The following ERICH1 variants were observed in gnomAD, a reference collection of about 807,000 sequenced individuals.
ERICH1 encodes glutamate-rich protein 1.
In ERICH1, 56 loss-of-function variants were observed where a neutral mutation model predicts 39.6. The observed-to-expected ratio is 1.41, with a 90% CI of 1.14 to 1.77. The LOEUF (loss-of-function observed/expected upper bound fraction) is 1.77, where lower values mean the gene tolerates loss of function less well. Among genes scored for constraint, ERICH1 ranks in the 40% most tolerant of loss-of-function variants. ERICH1 has a pLI of 0.00. For missense variants in ERICH1, 826 were observed against 575.4 expected (o/e 1.44, Z -4.45); for synonymous variants, 313 against 223.6 (o/e 1.40, Z -3.57).
chr8:699,435 A>G (rs557999592), intron 2 of ERICH1, among the ~76,000 whole-genome samples: 9 of 152,248 alleles, frequency 5.9e-5, no homozygotes, highest in African/African-American at 2.2e-4. Flanking sequence ...AGCAACTTCA[A>G]GTGAAATCAG....
At chr8:649,813 G>C (rs1799717332) in intron 3 of ERICH1, among the ~76,000 whole-genome samples, 1 of 152,250 alleles carries the variant, frequency 6.6e-6, no homozygotes, top group South Asian at 2.1e-4. Flanking sequence ...CGGCGTATCA[G>C]AGCAGGTGAG....
At chr8:679,842 T>C (rs1487607212) in intron 3 of ERICH1, among the ~76,000 whole-genome samples, 1 of 150,398 alleles carries the variant, frequency 6.6e-6, no homozygotes, top group Non-Finnish European at 1.5e-5. Context: ...CTGCCACCCC[T>C]GTGAACACAG....
At chr8:704,616 AC>A (rs1286547064) in intron 2 of ERICH1, among the ~76,000 whole-genome samples, 3 of 152,226 alleles carry the variant, frequency 2.0e-5, no homozygotes, top group Non-Finnish European at 4.4e-5. Flanking sequence ...ATACTGATGT[AC>A]AAACATTTTG....
chr8:702,356 A>G (rs753568785), intron 2 of ERICH1, among the ~76,000 whole-genome samples: 4 of 152,182 alleles, frequency 2.6e-5, no homozygotes, highest in African/African-American at 4.8e-5. Flanking sequence ...TCAAGTGAGC[A>G]CACAGCGGCA....
At chr8:654,650 C>G (rs1335276517) in intron 3 of ERICH1, among the ~76,000 whole-genome samples, 5 of 152,178 alleles carry the variant, frequency 3.3e-5, no homozygotes, top group Non-Finnish European at 7.3e-5. Context: ...AAAGGAACCT[C>G]CCACTGTCTA....
chr8:719,302 T>C lies in ERICH1; in HGVS notation c.23-3295A>G, dbSNP rs1381783320. On this transcript the variant is annotated intron_variant, in intron 1 of 5. Transcript: ENST00000262109. ...GCCCCATCCACCCTCCATGCCTCAC[T>C]TTTCTCCCATTTTCCTTGTACTCCA... is the stretch of plus-strand genomic sequence containing the variant. Among the ~76,000 whole-genome samples the C allele has an allele frequency of 5.9e-5, 9 of 152,300 alleles. No homozygotes were observed. In the South Asian group the frequency reaches 1.7e-3, roughly 28 times the overall value.
intron 3 of ERICH1, among the ~76,000 whole-genome samples, chr8:622,530 G>A (rs1797348665): frequency 6.6e-6 from 1 of 152,184 alleles, no homozygotes; most frequent in Non-Finnish European, 1.5e-5. Flanking sequence ...GGACTGTCCA[G>A]CCTCCAGAAC....
At chr8:670,975 C>T (rs530266103) in intron 4 of ERICH1, among the ~76,000 whole-genome samples, 4 of 150,564 alleles carry the variant, frequency 2.7e-5, no homozygotes, top group Admixed American at 1.3e-4. Context: ...GCCCCAGCTC[C>T]AACACCTGAG....
chr8:665,811 G>A (rs549343528), intron 5 of ERICH1, among the ~76,000 whole-genome samples: 3 of 152,316 alleles, frequency 2.0e-5, no homozygotes, highest in South Asian at 2.1e-4. Flanking sequence ...CAGAGGAGAC[G>A]TGACCAGCAG....
chr8:654,936 T>C (rs1800431785), intron 3 of ERICH1, among the ~76,000 whole-genome samples: 4 of 152,222 alleles, frequency 2.6e-5, no homozygotes, highest in Admixed American at 2.6e-4. Context: ...TTGCTTGCGG[T>C]GACCAAATCC....
At chr8:686,581 G>C (rs1000214858) in intron 3 of ERICH1, 1 of 152,258 alleles carries the variant, frequency 6.6e-6, no homozygotes, top group Non-Finnish European at 1.5e-5. Context: ...GCTTCATTAA[G>C]TCCGGGAAGA....
intron 1 of ERICH1, among the ~76,000 whole-genome samples, chr8:719,646 T>C (rs1816835924): frequency 6.6e-6 from 1 of 152,202 alleles, no homozygotes; most frequent in Admixed American, 6.5e-5. Context: ...GTCCTGGCGG[T>C]GGCAGACGTC....
intron 3 of ERICH1, among the ~76,000 whole-genome samples, chr8:657,261 C>A (rs1466147924): frequency 6.6e-6 from 1 of 152,098 alleles, no homozygotes; most frequent in African/African-American, 2.4e-5. Flanking sequence ...CGGTCAGGAG[C>A]CTTTTCTCTT....
At chr8:654,069 G>T (rs1332881314) in intron 3 of ERICH1, among the ~76,000 whole-genome samples, 1 of 152,098 alleles carries the variant, frequency 6.6e-6, no homozygotes, top group Non-Finnish European at 1.5e-5. Context: ...CTGTCTGATG[G>T]GGACAGAGTT....
At position 719,288 on chromosome 8, in the gene ERICH1, C is replaced by T. The variant is rs188422614; in HGVS notation, c.23-3281G>A. On this transcript the variant is annotated intron_variant, in intron 1 of 5. Transcript: ENST00000262109. ...CAGGCTCCGATCCTGCCCCATCCACCCTCCATGCCTCACTTTTCTCCCATT... is the reference window on the plus strand; with the variant it reads ...CAGGCTCCGATCCTGCCCCATCCACTCTCCATGCCTCACTTTTCTCCCATT... Among the ~76,000 whole-genome samples the T allele has an allele frequency of 2.7e-3, 412 of 152,370 alleles. 1 individual carries two copies. The highest frequency in any genetic ancestry group is 4.2e-3 in the Non-Finnish European group (288 of 68,026).
intron 3 of ERICH1, among the ~76,000 whole-genome samples, chr8:685,832 G>C (rs1807207760): frequency 6.6e-6 from 1 of 151,932 alleles, no homozygotes; most frequent in Non-Finnish European, 1.5e-5. Flanking sequence ...CTTCAGCTTT[G>C]GGCAATTCAT....
intron 1 of ERICH1, among the ~76,000 whole-genome samples, chr8:723,301 G>A (rs73178873): frequency 0.14 from 20,764 of 152,154 alleles, 1,795 homozygotes; most frequent in Middle Eastern, 0.24. Flanking sequence ...TAAATAACCC[G>A]GCCTCCGACA....
intron 1 of ERICH1, chr8:725,200 C>T (rs2132450831): frequency 5.1e-6 from 1 of 195,934 alleles, no homozygotes; most frequent in East Asian, 1.7e-4. Context: ...GCTGTCCCCT[C>T]CGGCTTCCGT....
chr8:703,324 G>A (rs1812569391), intron 2 of ERICH1, among the ~76,000 whole-genome samples: 1 of 140,128 alleles, frequency 7.1e-6, no homozygotes, highest in Non-Finnish European at 1.6e-5. Context: ...AACACACAGA[G>A]GACAAATGAA....
Sources: allele counts gnomAD v4.1 joint callset (sites outside exome capture counted in the v4.1 genomes callset), GRCh38; gene constraint gnomAD v4.1.1; transcripts MANE v1.5; gene names NCBI Gene and HGNC (gene_info 2026-07-23, HGNC 2026-07-21).